The following DPP10 variants were observed in gnomAD, a reference collection of about 807,000 sequenced individuals.
DPP10 encodes dipeptidyl peptidase like 10.
Under a neutral mutation model 120.9 loss-of-function variants are expected in DPP10, and 33 were observed. The ratio of observed to expected loss-of-function variants is 0.27; its 90% CI spans 0.21 to 0.37. The LOEUF (loss-of-function observed/expected upper bound fraction) is 0.37, where lower values mean the gene tolerates loss of function less well. DPP10 is among the 10% of genes least tolerant of loss of function. DPP10 has a pLI of 1.00. For synonymous variants in DPP10, 337 were observed against 326.1 expected (o/e 1.03, Z -0.36); for missense variants, 816 against 942.8 (o/e 0.87, Z 1.76).
intron 1 of DPP10, among the ~76,000 whole-genome samples, chr2:114,563,786 C>T (rs978972925): frequency 6.6e-6 from 1 of 152,100 alleles, no homozygotes; most frequent in South Asian, 2.1e-4. Flanking sequence ...CAAGTGTGAG[C>T]GTTAGCCTGT....
At chr2:114,651,529 T>G (rs1696581852) in intron 1 of DPP10, among the ~76,000 whole-genome samples, 2 of 152,206 alleles carry the variant, frequency 1.3e-5, no homozygotes, top group South Asian at 4.1e-4. Flanking sequence ...GCATTTCTTA[T>G]AAGCTCCAGT....
At chr2:114,485,484 G>T (rs1681432779) in intron 1 of DPP10, among the ~76,000 whole-genome samples, 1 of 149,426 alleles carries the variant, frequency 6.7e-6, no homozygotes, top group Admixed American at 6.6e-5. Context: ...TTTGCGGGGA[G>T]GGGATCTATC....
intron 11 of DPP10, among the ~76,000 whole-genome samples, chr2:115,759,464 G>T (rs1679832071): frequency 6.6e-6 from 1 of 150,950 alleles, no homozygotes; most frequent in South Asian, 2.1e-4. Context: ...AATTATAATG[G>T]TATATTATAC....
Position 115,495,460 on chromosome 2 carries a change from G to A in DPP10, c.272-4050G>A, listed in dbSNP as rs955622582. On this transcript the variant is annotated intron_variant, in intron 3 of 25. Coordinates refer to ENST00000410059, the MANE Select transcript of DPP10 (RefSeq NM_020868.6). Reference sequence around the variant, plus strand: ...GAACAAACAGTAAAATAATGTGAATGTAGGCTGCCTTTATTTTTGGTCCTG... The same window carrying A: ...GAACAAACAGTAAAATAATGTGAATATAGGCTGCCTTTATTTTTGGTCCTG... Among the ~76,000 whole-genome samples the A allele has an allele frequency of 9.1e-4, 134 of 147,492 alleles. 2 individuals carry two copies. Among genetic ancestry groups the A allele is most frequent in the Non-Finnish European group, 2.7e-4 (18 of 67,088 alleles).
chr2:115,281,305 A>T (rs2060147513), intron 1 of DPP10, among the ~76,000 whole-genome samples: 1 of 152,196 alleles, frequency 6.6e-6, no homozygotes, highest in Non-Finnish European at 1.5e-5. Flanking sequence ...TGTTCCGAAG[A>T]CTTATTCTCC....
At chr2:115,723,621 TG>T (rs1232672812) in intron 7 of DPP10, among the ~76,000 whole-genome samples, 1,354 of 60,102 alleles carry the variant, frequency 0.023, 16 homozygotes, top group African/African-American at 0.042. Flanking sequence ...TGTTGTTTTT[TG>T]TTTTTTTTTT....
intron 1 of DPP10, among the ~76,000 whole-genome samples, chr2:114,776,430 T>C (rs1422512085): frequency 7.2e-5 from 11 of 152,130 alleles, no homozygotes; most frequent in Non-Finnish European, 1.5e-4. Flanking sequence ...TTCCAGAGCT[T>C]CCAAGACCTT....
intron 13 of DPP10, among the ~76,000 whole-genome samples, chr2:115,771,841 A>G (rs1681511115): frequency 6.6e-6 from 1 of 152,176 alleles, no homozygotes; most frequent in Admixed American, 6.5e-5. Flanking sequence ...GAAGTACCTT[A>G]CTAAATGAAA....
At chr2:115,537,698 A>G (rs1187019576) in intron 5 of DPP10, among the ~76,000 whole-genome samples, 3 of 151,900 alleles carry the variant, frequency 2.0e-5, no homozygotes, top group Middle Eastern at 3.4e-3. Context: ...AATGACGCAC[A>G]TCTGCCGAAC....
At chr2:115,427,675 C>T (rs1427106632) in intron 3 of DPP10, among the ~76,000 whole-genome samples, 1 of 152,178 alleles carries the variant, frequency 6.6e-6, no homozygotes, top group Non-Finnish European at 1.5e-5. Context: ...CCTAGAAGAT[C>T]TCTGAATGCC....
At chr2:115,077,745 C>T (rs1426675152) in intron 1 of DPP10, among the ~76,000 whole-genome samples, 2 of 152,190 alleles carry the variant, frequency 1.3e-5, no homozygotes, top group African/African-American at 4.8e-5. Context: ...CAAGAACAGC[C>T]CAAGCCATCA....
At chr2:114,752,556 C>T (rs116913754) in intron 1 of DPP10, among the ~76,000 whole-genome samples, 1 of 152,294 alleles carries the variant, frequency 6.6e-6, no homozygotes, top group East Asian at 1.9e-4. Context: ...GTTTGTTACT[C>T]ACCGCCAAGA....
At chr2:114,596,092 T>C (rs1295798169) in intron 1 of DPP10, among the ~76,000 whole-genome samples, 2 of 152,074 alleles carry the variant, frequency 1.3e-5, no homozygotes, top group Non-Finnish European at 2.9e-5. Flanking sequence ...TAATTTCACC[T>C]GAATTTTTGG....
chr2:114,644,144 A>T (rs1169818456), intron 1 of DPP10, among the ~76,000 whole-genome samples: 2 of 139,924 alleles, frequency 1.4e-5, no homozygotes, highest in African/African-American at 5.4e-5. Context: ...GGGTTTTACT[A>T]TGTTGGCCAG....
At chr2:115,461,622 C>T (rs1025880463) in intron 3 of DPP10, among the ~76,000 whole-genome samples, 1 of 152,090 alleles carries the variant, frequency 6.6e-6, no homozygotes, top group African/African-American at 2.4e-5. Flanking sequence ...TATACAGGCA[C>T]ATCAAAACAT....
rs369486731 is a variant in DPP10 at position 115,181,648 on chromosome 2, T to G, written c.61-127591T>G. On this transcript the variant is annotated intron_variant, in intron 1 of 25. Transcript: ENST00000410059. ...TCTTAAGAATCAACCTTAGGAGTTA[T>G]GGAGCCTCTTTTCTGCCATATTTCC... is the stretch of plus-strand genomic sequence containing the variant. Among the ~76,000 whole-genome samples the G allele has an allele frequency of 1.3e-3, 192 of 152,294 alleles. 1 individual carries two copies. Among genetic ancestry groups the G allele is most frequent in the African/African-American group, 3.8e-3 (160 of 41,566 alleles).
At chr2:115,381,486 C>T (rs1574639135) in intron 3 of DPP10, among the ~76,000 whole-genome samples, 1 of 152,144 alleles carries the variant, frequency 6.6e-6, no homozygotes, top group Non-Finnish European at 1.5e-5. Context: ...AACTTCTTTG[C>T]CTCTGCTTTG....
chr2:114,463,179 A>G (rs1026752779), intron 1 of DPP10, among the ~76,000 whole-genome samples: 2 of 152,116 alleles, frequency 1.3e-5, no homozygotes, highest in African/African-American at 2.4e-5. Context: ...ATACTAACCC[A>G]TGTATGTATA....
intron 1 of DPP10, among the ~76,000 whole-genome samples, chr2:114,888,184 C>T (rs1692235944): frequency 6.6e-6 from 1 of 150,930 alleles, no homozygotes; most frequent in Non-Finnish European, 1.5e-5. Flanking sequence ...AAATGAGTAT[C>T]ATAATAGCGC....
Sources: allele counts gnomAD v4.1 joint callset (sites outside exome capture counted in the v4.1 genomes callset), GRCh38; gene constraint gnomAD v4.1.1; transcripts MANE v1.5; gene names NCBI Gene and HGNC (gene_info 2026-07-23, HGNC 2026-07-21).